Variants in TSHZ2 observed in about 807,000 individuals in gnomAD.
TSHZ2 encodes teashirt homolog 2.
In TSHZ2, 21 loss-of-function variants were observed where a neutral mutation model predicts 74.4. The observed-to-expected ratio is 0.28, with a 90% CI of 0.20 to 0.41. TSHZ2 has a LOEUF of 0.41. Among genes scored for constraint, TSHZ2 ranks in the 10% least tolerant of loss-of-function variants. The pLI, the probability that TSHZ2 is intolerant of heterozygous loss-of-function variation, is 1.00. For synonymous variants in TSHZ2, 540 were observed against 515.3 expected (o/e 1.05, Z -0.65); for missense variants, 1,244 against 1,293.5 (o/e 0.96, Z 0.59).
intron 2 of TSHZ2, among the ~76,000 whole-genome samples, chr20:53,377,275 G>A (rs575791817): frequency 6.6e-5 from 10 of 152,334 alleles, no homozygotes; most frequent in African/African-American, 1.4e-4. Flanking sequence ...CAGTGAGACC[G>A]TCACCTCAGT....
intron 1 of TSHZ2, among the ~76,000 whole-genome samples, chr20:53,148,917 G>C (rs1043346900): frequency 6.6e-6 from 1 of 152,162 alleles, no homozygotes; most frequent in Non-Finnish European, 1.5e-5. Flanking sequence ...TTCTCACAGA[G>C]CAGGAATCAA....
Position 53,457,331 on chromosome 20 carries a change from G to T in TSHZ2, c.*9-29813G>T, listed in dbSNP as rs1229900103. ...TTCTCTTTGAAGCAATTGTGAATGG[G>T]AGTTCACTCATGATTTGGCTCTCTG... On this transcript the variant is annotated intron_variant, in intron 2 of 2. Coordinates refer to ENST00000371497, the MANE Select transcript of TSHZ2 (RefSeq NM_173485.6). 3.2e-5 allele frequency among the ~76,000 whole-genome samples: 4 copies of T among 126,220 alleles called. No homozygotes were observed. The Admixed American group carries it at 3.2e-4, about 10-fold the overall frequency. The allele number at this position is 126,220 out of a possible 152,430, so 82.8% of individuals were successfully genotyped here.
At chr20:53,247,058 G>C (rs765162854) in intron 1 of TSHZ2, among the ~76,000 whole-genome samples, 1 of 152,096 alleles carries the variant, frequency 6.6e-6, no homozygotes, top group African/African-American at 2.4e-5. Flanking sequence ...CTGTACCCAC[G>C]CCATCTCCAG....
chr20:53,432,480 T>G (rs1197210950), intron 2 of TSHZ2, among the ~76,000 whole-genome samples: 1 of 152,240 alleles, frequency 6.6e-6, no homozygotes, highest in Non-Finnish European at 1.5e-5. Flanking sequence ...TTCCTATGAG[T>G]AGATACCTAG....
At chr20:53,304,393 G>C (rs1978434091) in intron 2 of TSHZ2, among the ~76,000 whole-genome samples, 1 of 151,830 alleles carries the variant, frequency 6.6e-6, no homozygotes, top group Non-Finnish European at 1.5e-5. Flanking sequence ...GTAGCATATC[G>C]TACTGTGGGG....
intron 1 of TSHZ2, among the ~76,000 whole-genome samples, chr20:53,143,527 AC>A (rs1231878856): frequency 6.6e-6 from 1 of 152,118 alleles, no homozygotes; most frequent in East Asian, 1.9e-4. Flanking sequence ...CCCCGTCTCT[AC>A]TAAAAATACA....
chr20:53,028,188 T>A (rs916612610), intron 1 of TSHZ2, among the ~76,000 whole-genome samples: 7 of 152,154 alleles, frequency 4.6e-5, no homozygotes, highest in African/African-American at 1.7e-4. Flanking sequence ...TATGATAGAA[T>A]AAGTACTGGA....
intron 1 of TSHZ2, among the ~76,000 whole-genome samples, chr20:53,222,955 G>A (rs189207162): frequency 6.6e-6 from 1 of 152,266 alleles, no homozygotes; most frequent in East Asian, 1.9e-4. Flanking sequence ...CTTGGCACCT[G>A]TGGCCATTTA....
intron 1 of TSHZ2, among the ~76,000 whole-genome samples, chr20:53,151,406 C>T (rs948569627): frequency 1.3e-5 from 2 of 152,158 alleles, no homozygotes; most frequent in Non-Finnish European, 2.9e-5. Flanking sequence ...TATATTTATA[C>T]AAATCTACAA....
chr20:53,157,544 C>G (rs185458316), intron 1 of TSHZ2, among the ~76,000 whole-genome samples: 348 of 151,900 alleles, frequency 2.3e-3, no homozygotes, highest in Middle Eastern at 0.02. Context: ...GTAACTAAGA[C>G]TACAGGTGCG....
intron 1 of TSHZ2, among the ~76,000 whole-genome samples, chr20:53,214,071 C>T (rs988133390): frequency 5.3e-5 from 8 of 152,148 alleles, no homozygotes; most frequent in South Asian, 4.1e-4. Flanking sequence ...AAAACTCACA[C>T]GATAAAGTAC....
Position 53,441,221 on chromosome 20 carries a change from G to GTTTATTTTATTTTATTTTAT in TSHZ2, c.*9-45885_*9-45866dup, listed in dbSNP as rs11472706. 2.2e-3 allele frequency among the ~76,000 whole-genome samples: 279 copies of GTTTATTTTATTTTATTTTAT among 125,790 alleles called. 1 individual carries two copies. The highest frequency in any genetic ancestry group is 0.012 in the South Asian group (46 of 3,766). The allele number at this position is 125,790 out of a possible 152,430, so 82.5% of individuals were successfully genotyped here. On this transcript the variant is annotated intron_variant, in intron 2 of 2. Transcript: ENST00000371497. ...TTTCCATTATAACCCTTATTTATTT[G>GTTTATTTTATTTTATTTTAT]TTTATTTTATTTTATTTTATTTTAT...
At chr20:53,424,204 C>T (rs1052629978) in intron 2 of TSHZ2, among the ~76,000 whole-genome samples, 2 of 152,196 alleles carry the variant, frequency 1.3e-5, no homozygotes, top group African/African-American at 2.4e-5. Flanking sequence ...TTTGCAGCAT[C>T]CCTAGTTTCT....
At chr20:53,484,242 A>G (rs1372362532) in intron 2 of TSHZ2, among the ~76,000 whole-genome samples, 1 of 152,208 alleles carries the variant, frequency 6.6e-6, no homozygotes, top group Non-Finnish European at 1.5e-5. Context: ...ATGGTGATCA[A>G]GGCATTCACC....
chr20:52,977,205 G>T (rs996383076), intron 1 of TSHZ2, among the ~76,000 whole-genome samples: 1 of 152,030 alleles, frequency 6.6e-6, no homozygotes, highest in Admixed American at 6.6e-5. Context: ...ATGGAGGGAG[G>T]GGGCAGGCAG....
intron 2 of TSHZ2, among the ~76,000 whole-genome samples, chr20:53,360,296 A>G (rs562483928): frequency 6.6e-6 from 1 of 152,360 alleles, no homozygotes; most frequent in East Asian, 1.9e-4. Flanking sequence ...GGTTACACAT[A>G]TCACCTCCTT....
chr20:53,285,151 T>G (rs1406589266), intron 2 of TSHZ2, among the ~76,000 whole-genome samples: 1 of 152,108 alleles, frequency 6.6e-6, no homozygotes, highest in African/African-American at 2.4e-5. Flanking sequence ...TGGGAAAATG[T>G]GCAAGCCCCC....
intron 2 of TSHZ2, among the ~76,000 whole-genome samples, chr20:53,357,579 T>A (rs1025798735): frequency 6.6e-6 from 1 of 152,152 alleles, no homozygotes; most frequent in South Asian, 2.1e-4. Context: ...TAATAAAAAA[T>A]GTGAGCTCTT....
chr20:53,344,729 T>C (rs1229739514), intron 2 of TSHZ2, among the ~76,000 whole-genome samples: 2 of 152,010 alleles, frequency 1.3e-5, no homozygotes, highest in African/African-American at 2.4e-5. Flanking sequence ...CATGTTGATA[T>C]GTATATATTA....
Sources: gnomAD v4.1 joint callset for allele counts (sites outside exome capture counted in the v4.1 genomes callset) on GRCh38, gnomAD v4.1.1 for gene constraint, MANE v1.5 for transcripts, NCBI Gene and HGNC (gene_info 2026-07-23, HGNC 2026-07-21) for gene names.